Variants in FOCAD observed in about 807,000 individuals in gnomAD.
FOCAD encodes the protein KIAA1797.
In FOCAD, 198 loss-of-function variants were observed where a neutral mutation model predicts 225.6. The ratio of observed to expected loss-of-function variants is 0.88; its 90% CI spans 0.78 to 0.99. The LOEUF (loss-of-function observed/expected upper bound fraction) is 0.99. FOCAD is among the 50% of genes least tolerant of loss of function. FOCAD has a pLI of 0.00. For missense variants in FOCAD, 2,713 were observed against 2,123.6 expected (o/e 1.28, Z -5.46); for synonymous variants, 897 against 755.0 (o/e 1.19, Z -3.08).
chr9:20,768,017 G>C (rs1444610319), intron 7 of FOCAD, among the ~76,000 whole-genome samples: 1 of 151,690 alleles, frequency 6.6e-6, no homozygotes, highest in Non-Finnish European at 1.5e-5. Context: ...GTGTAAGGAA[G>C]GGATCCAGTT....
intron 15 of FOCAD, among the ~76,000 whole-genome samples, chr9:20,849,736 G>T (rs1827465558): frequency 1.3e-5 from 2 of 151,880 alleles, no homozygotes; most frequent in Non-Finnish European, 2.9e-5. Flanking sequence ...TACATGTCCA[G>T]ATCTTCAACT....
intron 21 of FOCAD, among the ~76,000 whole-genome samples, chr9:20,900,005 A>T (rs1021248385): frequency 3.3e-5 from 5 of 151,900 alleles, no homozygotes; most frequent in African/African-American, 1.2e-4. Context: ...GGGCTTCTCC[A>T]AGCTCAAGTG....
chr9:20,698,005 A>G (rs1301213779), intron 1 of FOCAD, among the ~76,000 whole-genome samples: 1 of 152,264 alleles, frequency 6.6e-6, no homozygotes, highest in Non-Finnish European at 1.5e-5. Context: ...AAGTGGTATA[A>G]TTGGATCAAG....
chr9:20,662,482 A>G (rs1587172121), intron 2 of FOCAD, among the ~76,000 whole-genome samples: 1 of 152,212 alleles, frequency 6.6e-6, no homozygotes, highest in African/African-American at 2.4e-5. Flanking sequence ...GAAGGGCAAT[A>G]TTAGCCTCCT....
At chr9:20,888,889 A>T (rs767019684) in intron 21 of FOCAD, among the ~76,000 whole-genome samples, 11 of 152,164 alleles carry the variant, frequency 7.2e-5, no homozygotes, top group Non-Finnish European at 1.3e-4. Flanking sequence ...GCTATGTAGA[A>T]CTGTAAGCTT....
chr9:20,780,940 C>G (rs773676042), intron 9 of FOCAD, among the ~76,000 whole-genome samples: 11 of 152,138 alleles, frequency 7.2e-5, no homozygotes, highest in Non-Finnish European at 1.5e-4. Flanking sequence ...GCTGACAACT[C>G]ATTGACATGA....
chr9:20,672,777 C>G (rs1367369713), intron 2 of FOCAD, among the ~76,000 whole-genome samples: 1 of 152,100 alleles, frequency 6.6e-6, no homozygotes. Flanking sequence ...TAAAAATAAC[C>G]AAAGAACCAC....
chr9:20,665,066 G>A (rs1443054101), intron 2 of FOCAD, among the ~76,000 whole-genome samples: 1 of 152,116 alleles, frequency 6.6e-6, no homozygotes, highest in African/African-American at 2.4e-5. Context: ...AACCAGGGTA[G>A]AGTACTCCAG....
chr9:20,702,672 A>C (rs1824057474), intron 1 of FOCAD, among the ~76,000 whole-genome samples: 1 of 152,176 alleles, frequency 6.6e-6, no homozygotes, highest in Non-Finnish European at 1.5e-5. Flanking sequence ...GCACATGGTA[A>C]AATTCTCAAT....
chr9:20,724,215 A>C (rs1826016611), intron 4 of FOCAD, among the ~76,000 whole-genome samples: 2 of 152,224 alleles, frequency 1.3e-5, no homozygotes, highest in Non-Finnish European at 2.9e-5. Context: ...TAAAATATAT[A>C]AACAGCTTTC....
intron 24 of FOCAD, among the ~76,000 whole-genome samples, chr9:20,919,560 T>C (rs1834194109): frequency 6.6e-6 from 1 of 152,126 alleles, no homozygotes; most frequent in Non-Finnish European, 1.5e-5. Context: ...GACTTCAAAC[T>C]ATACTACAAG....
intron 22 of FOCAD, among the ~76,000 whole-genome samples, chr9:20,911,272 A>C (rs1275070410): frequency 1.3e-5 from 2 of 152,090 alleles, no homozygotes; most frequent in East Asian, 3.9e-4. Context: ...TGAACTATGA[A>C]GGATGTGAAT....
chr9:20,892,494 AG>A (rs1788816803), intron 21 of FOCAD, among the ~76,000 whole-genome samples: 1 of 152,122 alleles, frequency 6.6e-6, no homozygotes, highest in African/African-American at 2.4e-5. Flanking sequence ...GATGACCTTG[AG>A]GGGTTCAAGA....
chr9:20,995,372 A>AC (rs1159457160), intron 43 of FOCAD, among the ~76,000 whole-genome samples, 184 bp from the exon 44 acceptor site: 39 of 85,046 alleles, frequency 4.6e-4, no homozygotes, highest in African/African-American at 1.7e-3. Context: ...AAAAAAAAAA[A>AC]AAAAACAACT....
At chr9:20,993,858 T>A (rs544691085) in intron 43 of FOCAD, among the ~76,000 whole-genome samples, 3 of 152,322 alleles carry the variant, frequency 2.0e-5, no homozygotes, top group African/African-American at 7.2e-5. Context: ...TAAATGGTTT[T>A]AAAATGTTTT....
At chr9:20,945,002 T>C (rs531271349) in intron 29 of FOCAD, among the ~76,000 whole-genome samples, 5 of 152,324 alleles carry the variant, frequency 3.3e-5, no homozygotes, top group African/African-American at 1.2e-4. Flanking sequence ...CTTTAGTGAA[T>C]ACAAAACCTA....
At chr9:20,743,714 T>C (rs1325434285) in intron 5 of FOCAD, among the ~76,000 whole-genome samples, 1 of 152,058 alleles carries the variant, frequency 6.6e-6, no homozygotes, top group Non-Finnish European at 1.5e-5. Flanking sequence ...ATTCAGTGGG[T>C]TTTGTGTGAG....
At chr9:20,813,484 A>T (rs554555949) in intron 11 of FOCAD, among the ~76,000 whole-genome samples, 9 of 152,124 alleles carry the variant, frequency 5.9e-5, no homozygotes, top group Non-Finnish European at 1.0e-4. Context: ...CAGTGCACAG[A>T]TGTTCTAATT....
intron 5 of FOCAD, among the ~76,000 whole-genome samples, chr9:20,757,129 A>T (rs1173367409): frequency 6.6e-6 from 1 of 152,090 alleles, no homozygotes; most frequent in African/African-American, 2.4e-5. Context: ...GGGTTTCTCC[A>T]TGTTGGTCAG....
Sources: allele counts gnomAD v4.1 joint callset (sites outside exome capture counted in the v4.1 genomes callset), GRCh38; gene constraint gnomAD v4.1.1; transcripts MANE v1.5; gene names NCBI Gene and HGNC (gene_info 2026-07-23, HGNC 2026-07-21).